The following ATP10B variants were observed in gnomAD, a reference collection of about 807,000 sequenced individuals.
The protein encoded by ATP10B is ATPase phospholipid transporting 10B (putative).
In ATP10B, 122 loss-of-function variants were observed where a neutral mutation model predicts 141.2. The observed-to-expected ratio is 0.86, with a 90% CI of 0.75 to 1.00. The LOEUF is 1.00. ATP10B is among the 50% of genes least tolerant of loss of function. The pLI is 0.00. For missense variants in ATP10B, 1,876 were observed against 1,825.3 expected, an observed-to-expected ratio of 1.03 and a Z score of -0.51; for synonymous variants, 685 against 692.0, an observed-to-expected ratio of 0.99 and a Z score of 0.16.
rs1212982779 is a variant in ATP10B at position 160,617,909 on chromosome 5, G to A, written c.2481C>T (p.Asp827=). The change falls in exon 16 of 26, where the codon GAC becomes GAT. Residue 827 remains aspartate (D), a synonymous_variant. Transcript: ENST00000327245. ...KIRARTQKHL[D]LYARDGLRTL... ...TGCGCAGGCCATCTCTTGCATACAAGTCTAGATGCTTTTGGGTCCGGGCTC... is the reference window on the plus strand; with the variant it reads ...TGCGCAGGCCATCTCTTGCATACAAATCTAGATGCTTTTGGGTCCGGGCTC... The A allele has an allele frequency of 6.2e-7, 1 of 1,614,056 alleles. No individual in the cohort carries two copies. The highest frequency in any genetic ancestry group is 2.2e-5 in the East Asian group (1 of 44,896).
chr5:160,597,343 T>C (rs1347862156), intron 22 of ATP10B, among the ~76,000 whole-genome samples: 3 of 152,232 alleles, frequency 2.0e-5, no homozygotes, highest in South Asian at 4.1e-4. Flanking sequence ...GCTAGCCATA[T>C]GTAGAAAGCT....
At chr5:160,815,015 C>A (rs574256293) in intron 1 of ATP10B, among the ~76,000 whole-genome samples, 1 of 152,138 alleles carries the variant, frequency 6.6e-6, no homozygotes, top group Non-Finnish European at 1.5e-5. Context: ...AAACTGGGAC[C>A]AGCCACTGCA....
chr5:160,576,961 T>A (rs1296342649), intron 24 of ATP10B, among the ~76,000 whole-genome samples: 1 of 152,168 alleles, frequency 6.6e-6, no homozygotes, highest in Non-Finnish European at 1.5e-5. Flanking sequence ...TAGGAGGATC[T>A]TCTGAACACA....
the ATP10B span, among the ~76,000 whole-genome samples, chr5:160,867,375 T>C: frequency 6.6e-6 from 1 of 152,100 alleles, no homozygotes; most frequent in African/African-American, 2.4e-5. Flanking sequence ...AGCACTGGTC[T>C]TGTTTGTGTC....
At chr5:160,617,740 C>T in intron 16 of ATP10B, 124 bp downstream of exon 16, 2 of 849,720 alleles carry the variant, frequency 2.4e-6, no homozygotes, top group Non-Finnish European at 3.6e-6. Context: ...CAAGTCAGAA[C>T]AGCTAATCTT....
At position 160,622,559 on chromosome 5, in the gene ATP10B, G is replaced by A. The variant is rs1370157908; in HGVS notation, c.1647C>T (p.Asn549=). 12 of 1,612,536 alleles carry A rather than the reference G, an allele frequency of 7.4e-6. No homozygotes were observed. Among genetic ancestry groups the A allele is most frequent in the Non-Finnish European group, 9.3e-6 (11 of 1,179,366 alleles). ...SIEKDVTPDK[N]LLTKVRDAAL... ...CAGCATCTCGAACCTTGGTCAGTAG[G>A]TTTTTATCTGGAGTTACATCTTTTT... Residue 549 remains asparagine, a synonymous_variant, in exon 14 of 26, where the codon AAC becomes AAT. Coordinates refer to ENST00000327245, the MANE Select transcript of ATP10B (RefSeq NM_025153.3).
chr5:160,655,668 C>A (rs544725467), intron 7 of ATP10B, among the ~76,000 whole-genome samples: 7 of 152,166 alleles, frequency 4.6e-5, no homozygotes, highest in African/African-American at 1.7e-4. Context: ...GAGTAAGACC[C>A]CTTCTTTTAT....
intron 20 of ATP10B, chr5:160,603,621 G>T: frequency 3.7e-6 from 1 of 271,220 alleles, no homozygotes; most frequent in Non-Finnish European, 7.3e-6. Flanking sequence ...CAGCTTCCCA[G>T]TCAATGCTCT....
intron 1 of ATP10B, among the ~76,000 whole-genome samples, chr5:160,838,537 C>A (rs965943843): frequency 3.9e-5 from 6 of 152,032 alleles, no homozygotes; most frequent in African/African-American, 1.5e-4. Flanking sequence ...ATGTTAAAAA[C>A]CATGGAAAAT....
chr5:160,619,991 G>A (rs1026529565), intron 15 of ATP10B, among the ~76,000 whole-genome samples: 1 of 152,140 alleles, frequency 6.6e-6, no homozygotes, highest in Non-Finnish European at 1.5e-5. Context: ...AAAATGAAGA[G>A]TTAGGACCAC....
At chr5:160,922,836 G>A in the ATP10B span, among the ~76,000 whole-genome samples, 1 of 152,118 alleles carries the variant, frequency 6.6e-6, no homozygotes, top group Non-Finnish European at 1.5e-5. Context: ...TCCTAATGGG[G>A]CCCCTCCAAG....
intron 24 of ATP10B, among the ~76,000 whole-genome samples, chr5:160,586,800 G>C (rs376529503): frequency 1.7e-4 from 26 of 152,110 alleles, no homozygotes; most frequent in African/African-American, 6.0e-4. Context: ...CATATCCTTT[G>C]CCCACTTTTT....
intron 2 of ATP10B, among the ~76,000 whole-genome samples, chr5:160,723,714 A>G (rs1016714311): frequency 1.3e-5 from 2 of 152,212 alleles, no homozygotes; most frequent in African/African-American, 2.4e-5. Flanking sequence ...ACACTAATGT[A>G]TAACAGTCTA....
intron 1 of ATP10B, among the ~76,000 whole-genome samples, chr5:160,812,277 G>A (rs772815495): frequency 5.9e-5 from 9 of 152,214 alleles, no homozygotes; most frequent in Non-Finnish European, 7.4e-5. Context: ...TACCTGAAAG[G>A]CCTTCCCAAG....
chr5:160,874,842 T>C, the ATP10B span, among the ~76,000 whole-genome samples: 8 of 145,570 alleles, frequency 5.5e-5, no homozygotes, highest in East Asian at 4.1e-4. Flanking sequence ...GAAAAAAGAA[T>C]AAAAAGAAAT....
chr5:160,804,746 C>T (rs1044096838), intron 1 of ATP10B, among the ~76,000 whole-genome samples: 2 of 152,076 alleles, frequency 1.3e-5, no homozygotes, highest in Non-Finnish European at 2.9e-5. Flanking sequence ...AACTGTTGGA[C>T]CTTGGGATAT....
intron 1 of ATP10B, among the ~76,000 whole-genome samples, chr5:160,792,351 G>T (rs1327802514): frequency 6.6e-6 from 1 of 152,076 alleles, no homozygotes; most frequent in African/African-American, 2.4e-5. Context: ...TTTTATTTTA[G>T]AAATAAACCC....
chr5:160,686,974 G>A (rs1220902076), intron 5 of ATP10B: 44 of 985,240 alleles, frequency 4.5e-5, no homozygotes, highest in South Asian at 3.3e-4. Flanking sequence ...AGTTTTCCAC[G>A]TGCATCTTGC....
At position 160,634,336 on chromosome 5, in the gene ATP10B, C is replaced by G; in HGVS notation, c.1381+18G>C. 1 of 1,613,996 alleles carries G rather than the reference C, an allele frequency of 6.2e-7. No homozygotes were observed. Among genetic ancestry groups the G allele is most frequent in the African/African-American group, 1.3e-5 (1 of 74,986 alleles). Reference sequence around the variant, plus strand: ...TTCCTTTTAGAAAGAGGGATGGAGCCCTTGGGAGCTTCTATACCATTTTCT... The same window carrying G: ...TTCCTTTTAGAAAGAGGGATGGAGCGCTTGGGAGCTTCTATACCATTTTCT... On this transcript the variant is annotated intron_variant, in intron 12 of 25. Coordinates refer to ENST00000327245, the MANE Select transcript of ATP10B (RefSeq NM_025153.3).
Sources: allele counts gnomAD v4.1 joint callset (sites outside exome capture counted in the v4.1 genomes callset), GRCh38; gene constraint gnomAD v4.1.1; transcripts MANE v1.5; gene names NCBI Gene and HGNC (gene_info 2026-07-23, HGNC 2026-07-21).